The following RILPL1 variants were observed in gnomAD, a reference collection of about 807,000 sequenced individuals.
The protein encoded by RILPL1 is Rab interacting lysosomal protein like 1, also known as RILP-like protein 1.
RILPL1 carries 33 observed loss-of-function variants against 50.3 expected under a neutral mutation model. That is an observed-to-expected ratio of 0.66 (90% CI 0.50 to 0.88). RILPL1 has a LOEUF of 0.88. Ranked by LOEUF, RILPL1 falls within the 40% of genes least tolerant of loss-of-function variation. The pLI is 0.00. For synonymous variants in RILPL1, 205 were observed against 228.6 expected (o/e 0.90, Z 0.93); for missense variants, 418 against 542.5 (o/e 0.77, Z 2.28).
At chr12:123,530,217 G>A (rs948678013) in intron 1 of RILPL1, among the ~76,000 whole-genome samples, 15 of 152,166 alleles carry the variant, frequency 9.9e-5, no homozygotes, top group African/African-American at 3.6e-4. Context: ...CCAGGCTGGA[G>A]TGCAATGGTG....
chr12:123,515,411 C>G (rs1884626793), intron 2 of RILPL1: 1 of 151,312 alleles, frequency 6.6e-6, no homozygotes, highest in East Asian at 2.0e-4. Context: ...TTATCTGACT[C>G]TTACGCAGTA....
At chr12:123,481,579 G>A (rs1257248281) in intron 6 of RILPL1, among the ~76,000 whole-genome samples, 1 of 150,070 alleles carries the variant, frequency 6.7e-6, no homozygotes, top group South Asian at 2.1e-4. Flanking sequence ...TTTTTGAGGC[G>A]GAGTTTCACT....
Position 123,512,677 on chromosome 12 carries a change from CTG to C in RILPL1, c.460+10816_460+10817del, listed in dbSNP as rs1179542708. Among the ~76,000 whole-genome samples, 19 of 81,954 alleles carry C rather than the reference CTG, an allele frequency of 2.3e-4. No homozygotes were observed. The East Asian group carries it at 5.3e-3, about 23-fold the overall frequency. 53.8% of individuals were successfully genotyped at this position (81,954 alleles called of 152,430 possible). Reference sequence around the variant, plus strand: ...TGTGAGAGCTGTGTGTGTGTGAGGTCTGTGTGTGGTGTGTGAGGTTTGTATGT... The same window carrying C: ...TGTGAGAGCTGTGTGTGTGTGAGGTCTGTGTGGTGTGTGAGGTTTGTATGT... On this transcript the variant is annotated intron_variant, in intron 2 of 6. Transcript: ENST00000376874.
Position 123,489,437 on chromosome 12 carries a change from G to T in RILPL1, c.802-3632C>A, listed in dbSNP as rs763163730. 1.1e-4 allele frequency among the ~76,000 whole-genome samples: 16 copies of T among 152,066 alleles called. No individual in the cohort carries two copies. Among genetic ancestry groups the T allele is most frequent in the Non-Finnish European group, 1.9e-4 (13 of 68,018 alleles). On this transcript the variant is annotated intron_variant, in intron 4 of 6. Transcript: ENST00000376874. This position sits in a 1 kb window ranked among gnomAD's most constrained non-coding sequence, Gnocchi z 4.0. ...CTCAGCACTTTGGGAAGCTGAGGTG[G>T]GTGGATCACGAAGTCAGGAGATCGA... is the stretch of plus-strand genomic sequence containing the variant.
At chr12:123,473,379 G>A (rs1238897185) in intron 6 of RILPL1, 2 of 152,118 alleles carry the variant, frequency 1.3e-5, no homozygotes, top group African/African-American at 2.4e-5. Flanking sequence ...TCCAGGTGTG[G>A]TGGCACACGC....
chr12:123,499,576 C>T (rs567120826), intron 2 of RILPL1, 40 bp from the exon 3 acceptor site: 2 of 1,454,422 alleles, frequency 1.4e-6, no homozygotes, highest in African/African-American at 2.8e-5. Context: ...GCCCGCCTTA[C>T]TCCTATGTTG....
At chr12:123,505,877 G>A (rs1050099298) in intron 2 of RILPL1, among the ~76,000 whole-genome samples, 3 of 152,050 alleles carry the variant, frequency 2.0e-5, no homozygotes, top group Admixed American at 6.6e-5. Flanking sequence ...TTCCCACCTC[G>A]GCCTCCCGAA....
At chr12:123,509,187 C>T (rs1883936144) in intron 2 of RILPL1, among the ~76,000 whole-genome samples, 1 of 152,000 alleles carries the variant, frequency 6.6e-6, no homozygotes, top group African/African-American at 2.4e-5. Flanking sequence ...GAAGTGGAAG[C>T]AAGCTAAATG....
chr12:123,480,790 G>A (rs1881925720), intron 6 of RILPL1, among the ~76,000 whole-genome samples: 1 of 152,126 alleles, frequency 6.6e-6, no homozygotes, highest in African/African-American at 2.4e-5. Context: ...CCAACGTGAG[G>A]CTACCGTGGG....
rs1351869414 is a variant in RILPL1, at chr12:123,489,721, AG to A, written c.802-3917del. Among the ~76,000 whole-genome samples the A allele has an allele frequency of 6.6e-6, 1 of 151,970 alleles. No individual in the cohort carries two copies. The highest frequency in any genetic ancestry group is 1.5e-5 in the Non-Finnish European group (1 of 67,994). On this transcript the variant is annotated intron_variant, in intron 4 of 6. Coordinates refer to ENST00000376874, the MANE Select transcript of RILPL1 (RefSeq NM_178314.5). The surrounding 1 kb of genome is among the most constrained non-coding windows in gnomAD (Gnocchi z 4.0). The stretch of plus-strand genomic sequence containing the variant: ...ACACAAGATCTAACTGGAGAGAATC[AG>A]GGAAGATGTTAATCAGATGTGGTCT...
At chr12:123,511,539 G>A (rs1379755297) in intron 2 of RILPL1, among the ~76,000 whole-genome samples, 6 of 128,872 alleles carry the variant, frequency 4.7e-5, no homozygotes, top group Non-Finnish European at 1.0e-4. Flanking sequence ...TGTGTGTGAG[G>A]TCTGTGTGAG....
chr12:123,493,816 GCT>G (rs200027082), intron 4 of RILPL1, among the ~76,000 whole-genome samples: 2,703 of 138,690 alleles, frequency 0.019, 84 homozygotes, highest in African/African-American at 0.07. Flanking sequence ...ATGAAGTCTT[GCT>G]CTGTCGTCCA....
intron 4 of RILPL1, among the ~76,000 whole-genome samples, chr12:123,486,433 C>G (rs1194101337): frequency 1.3e-5 from 2 of 152,174 alleles, no homozygotes; most frequent in Admixed American, 6.6e-5. Flanking sequence ...CCCCAGGTCA[C>G]ACCCACACCC....
At chr12:123,494,582 G>C (rs954186934) in intron 4 of RILPL1, among the ~76,000 whole-genome samples, 1 of 152,180 alleles carries the variant, frequency 6.6e-6, no homozygotes, top group Non-Finnish European at 1.5e-5. Flanking sequence ...GCCTGGCCAG[G>C]AGACCAGCCT....
chr12:123,518,784 C>T (rs765272186), intron 2 of RILPL1, among the ~76,000 whole-genome samples: 3 of 151,744 alleles, frequency 2.0e-5, no homozygotes, highest in Non-Finnish European at 2.9e-5. Context: ...TCTGGCCGGG[C>T]GCGGTGGCTC....
intron 2 of RILPL1, among the ~76,000 whole-genome samples, chr12:123,517,905 A>C (rs769975580): frequency 2.0e-5 from 3 of 152,222 alleles, no homozygotes; most frequent in Non-Finnish European, 2.9e-5. Flanking sequence ...GAATGGAAGG[A>C]GATTCTGACA....
At chr12:123,484,305 G>A (rs756224804) in intron 5 of RILPL1, 33 bp from the exon 6 acceptor site, 2 of 1,400,098 alleles carry the variant, frequency 1.4e-6, no homozygotes, top group Non-Finnish European at 2.0e-6. Context: ...AGATAAAAGA[G>A]TCAAAAGTTC....
At position 123,523,517 on chromosome 12, in the gene RILPL1, C is replaced by T; in HGVS notation, c.438G>A (p.Glu146=). 6.2e-7 allele frequency: 1 copy of T among 1,614,042 alleles called. No homozygotes were observed. The highest frequency in any genetic ancestry group is 8.5e-7 in the Non-Finnish European group (1 of 1,179,890). ...TACCTTCATGCTTCTGGAACTCCTCCTCTGAGAAATTGACATCCTTGTGGG... is the reference window on the plus strand; with the variant it reads ...TACCTTCATGCTTCTGGAACTCCTCTTCTGAGAAATTGACATCCTTGTGGG... ...NLSHKDVNFS[E]EEFQKHEGMS... is the part of the protein sequence containing the mutation. The change falls in exon 2 of 7, where the codon GAG becomes GAA. Residue 146 remains glutamate, a synonymous_variant. Coordinates refer to ENST00000376874, the MANE Select transcript of RILPL1 (RefSeq NM_178314.5).
intron 4 of RILPL1, among the ~76,000 whole-genome samples, chr12:123,490,100 G>GA (rs1882591904): frequency 1.3e-5 from 2 of 151,760 alleles, no homozygotes; most frequent in South Asian, 4.2e-4. Flanking sequence ...CTATGGACCC[G>GA]AACCCCAAGC....
Sources: allele counts gnomAD v4.1 joint callset (sites outside exome capture counted in the v4.1 genomes callset), GRCh38; gene constraint gnomAD v4.1.1; non-coding constraint Gnocchi (gnomAD v3.1); transcripts MANE v1.5; gene names NCBI Gene and HGNC (gene_info 2026-07-23, HGNC 2026-07-21).